Variants in DOP1B observed in about 807,000 individuals in gnomAD.
The protein encoded by DOP1B is DOP1 leucine zipper like protein B, also known as protein DOP1B.
A neutral mutation model predicts 233.5 loss-of-function variants in DOP1B; 174 were observed. The ratio of observed to expected loss-of-function variants is 0.75; its 90% CI spans 0.66 to 0.85. The LOEUF (loss-of-function observed/expected upper bound fraction) is 0.85, where lower values mean the gene tolerates loss of function less well. Ranked by LOEUF, DOP1B falls within the 40% of genes least tolerant of loss-of-function variation. The probability of loss-of-function intolerance (pLI) is 0.00; values close to 1 mark genes in which losing one functional copy is unlikely to be tolerated. For missense variants in DOP1B, 2,652 were observed against 2,846.6 expected (o/e 0.93, Z 1.56); for synonymous variants, 1,190 against 1,185.6 (o/e 1.00, Z -0.08).
At chr21:36,219,148 T>A (rs2066595700) in intron 9 of DOP1B, among the ~76,000 whole-genome samples, 1 of 152,192 alleles carries the variant, frequency 6.6e-6, no homozygotes, top group Non-Finnish European at 1.5e-5. Flanking sequence ...TAGAAGGGTG[T>A]CTGGCACACA....
rs142818593 is a variant in DOP1B, at chr21:36,248,442, G to A, written c.4872G>A (p.Leu1624=). The A allele has an allele frequency of 1.3e-4, 204 of 1,614,052 alleles. No individual in the cohort carries two copies. In the African/African-American group the frequency reaches 2.4e-3, roughly 19 times the overall value. The change falls in exon 21 of 37, where the codon CTG becomes CTA. Residue 1624 remains leucine (L), a synonymous_variant. Coordinates refer to ENST00000691173, the MANE Select transcript of DOP1B (RefSeq NM_001320714.2). ...CCAGAAATGCCATTTTGGAAGAGCT[G>A]CCTCGAACTGTTAACACCATGGCCC... The part of the protein sequence containing the change: ...RNARNAILEE[L]PRTVNTMALL...
At chr21:36,195,971 C>G (rs2066286282) in intron 2 of DOP1B, among the ~76,000 whole-genome samples, 2 of 152,200 alleles carry the variant, frequency 1.3e-5, no homozygotes, top group South Asian at 4.1e-4. Flanking sequence ...AGATCTGTGC[C>G]AGAAGTGACT....
intron 13 of DOP1B, among the ~76,000 whole-genome samples, chr21:36,229,371 T>C (rs1169719415): frequency 6.6e-6 from 1 of 152,164 alleles, no homozygotes; most frequent in African/African-American, 2.4e-5. Flanking sequence ...TTGCTGGCAA[T>C]ATTCAGCATT....
chr21:36,161,402 G>A (rs1051551411), intron 1 of DOP1B, among the ~76,000 whole-genome samples: 6 of 152,174 alleles, frequency 3.9e-5, no homozygotes, highest in African/African-American at 1.4e-4. Flanking sequence ...CTCCCAAAGC[G>A]CTGGGATTAT....
intron 15 of DOP1B, among the ~76,000 whole-genome samples, chr21:36,233,967 C>A (rs1192326240): frequency 6.6e-6 from 1 of 152,176 alleles, no homozygotes; most frequent in African/African-American, 2.4e-5. Flanking sequence ...AATTCTCCTG[C>A]CTCAGCCTCC....
At chr21:36,210,271 C>G (rs1270038432) in intron 5 of DOP1B, among the ~76,000 whole-genome samples, 1 of 151,784 alleles carries the variant, frequency 6.6e-6, no homozygotes, top group Non-Finnish European at 1.5e-5. Flanking sequence ...ACTTTGGGAG[C>G]CCTGAGGCAG....
intron 3 of DOP1B, 31 bp downstream of exon 3, chr21:36,199,282 T>TA: frequency 6.3e-7 from 1 of 1,588,302 alleles, no homozygotes; most frequent in Non-Finnish European, 8.6e-7. Flanking sequence ...TGTTCCTTTT[T>TA]ATTACCCAAG....
chr21:36,289,463 G>C (rs1383390439), intron 35 of DOP1B, among the ~76,000 whole-genome samples: 1 of 103,336 alleles, frequency 9.7e-6, no homozygotes, highest in Admixed American at 9.5e-5. Flanking sequence ...GTGTGTGTGT[G>C]TGTGTGTGTG....
intron 2 of DOP1B, among the ~76,000 whole-genome samples, chr21:36,193,168 C>T (rs77015449): frequency 0.021 from 3,187 of 152,264 alleles, 45 homozygotes; most frequent in Non-Finnish European, 0.033. Context: ...TTGCGAGGTT[C>T]ATGGCTGAGA....
intron 22 of DOP1B, 105 bp downstream of exon 22, chr21:36,251,389 A>G: frequency 7.1e-7 from 1 of 1,403,388 alleles, no homozygotes; most frequent in Non-Finnish European, 9.5e-7. Flanking sequence ...ATGGGAAACT[A>G]TTGAGTTGAT....
In DOP1B at chr21:36,235,870, G is replaced by C. The variant is rs143704099; in HGVS notation, c.2623-1392G>C. Among the ~76,000 whole-genome samples, 172 of 147,412 alleles carry C rather than the reference G, an allele frequency of 1.2e-3. 2 individuals are homozygous for C. Among genetic ancestry groups the C allele is most frequent in the African/African-American group, 3.7e-3 (149 of 40,728 alleles). On this transcript the variant is annotated intron_variant, in intron 15 of 36. Transcript: ENST00000691173. ...TAGTGACAGCAAGGAAGTCGGGGGG[G>C]GGGCGGTCTACGTAGTCAAAAAGTT...
intron 27 of DOP1B, among the ~76,000 whole-genome samples, chr21:36,276,612 A>G (rs1381541366): frequency 4.6e-5 from 7 of 152,228 alleles, no homozygotes; most frequent in African/African-American, 1.4e-4. Context: ...AGACCAAGGC[A>G]GGAGGATCGC....
Position 36,208,905 on chromosome 21 carries a change from G to A in DOP1B, c.681+1G>A. ...GCTGGGGACCAATCACCAACTCACG[G>A]TGGGTGCTGTGTTCCTCACAGGGCA... is the stretch of plus-strand genomic sequence containing the variant. On this transcript the variant is annotated splice_donor_variant, in intron 5 of 36. Coordinates refer to ENST00000691173, the MANE Select transcript of DOP1B (RefSeq NM_001320714.2). LOFTEE classifies it high-confidence loss of function. 1 of 1,529,992 alleles carries A rather than the reference G, an allele frequency of 6.5e-7. No homozygotes were observed. Among genetic ancestry groups the A allele is most frequent in the Non-Finnish European group, 8.8e-7 (1 of 1,138,586 alleles). The allele number at this position is 1,529,992 out of a possible 1,614,324, so 94.8% of individuals were successfully genotyped here.
At position 36,193,742 on chromosome 21, in the gene DOP1B, G is replaced by A. The variant is rs150699021; in HGVS notation, c.139-5328G>A. Among the ~76,000 whole-genome samples, 1,241 of 152,204 alleles carry A rather than the reference G, an allele frequency of 8.2e-3. 71 individuals carry two copies. Among genetic ancestry groups the A allele is most frequent in the Admixed American group, 0.075 (1,149 of 15,280 alleles). ...GAAAAGTCTCGTAAGGTGGAATTGC[G>A]GGGAGCCCGAGTGGGAACCTCCATG... On this transcript the variant is annotated intron_variant, in intron 2 of 36. Coordinates refer to ENST00000691173, the MANE Select transcript of DOP1B (RefSeq NM_001320714.2).
intron 2 of DOP1B, among the ~76,000 whole-genome samples, chr21:36,178,575 C>T (rs561690406): frequency 1.8e-4 from 28 of 152,316 alleles, no homozygotes; most frequent in Non-Finnish European, 3.5e-4. Context: ...TCCCAACCTA[C>T]AGAACTGGGA....
rs779008854 is a variant in DOP1B at position 36,212,071 on chromosome 21, A to G, written c.878A>G (p.Asn293Ser). ...CTACTGAGAAGGGACATGTCCCTGA[A>G]CAGAAGACTGTATGCATGGTTACTA... ...QTLLRRDMSL[N>S]RRLYAWLLGS... is the part of the protein sequence containing the mutation. Residue 293 changes from asparagine (N) to serine (S), a missense_variant, in exon 7 of 37, where the codon AAC (asparagine) becomes AGC (serine). Coordinates refer to ENST00000691173, the MANE Select transcript of DOP1B (RefSeq NM_001320714.2). The G allele has an allele frequency of 1.3e-5, 21 of 1,612,862 alleles. No homozygotes were observed. The highest frequency in any genetic ancestry group is 1.6e-5 in the Non-Finnish European group (19 of 1,179,708).
intron 26 of DOP1B, among the ~76,000 whole-genome samples, chr21:36,264,116 A>G (rs1033077760): frequency 3.3e-5 from 5 of 152,212 alleles, no homozygotes; most frequent in Non-Finnish European, 5.9e-5. Flanking sequence ...TAAAACATAA[A>G]TGGAATAAGA....
chr21:36,171,038 G>A (rs941970755), intron 2 of DOP1B, among the ~76,000 whole-genome samples: 4 of 152,116 alleles, frequency 2.6e-5, no homozygotes, highest in African/African-American at 9.7e-5. Context: ...GTGCTAAGGA[G>A]TTGACGTGCA....
intron 30 of DOP1B, 55 bp downstream of exon 30, chr21:36,278,410 A>G: frequency 6.5e-7 from 1 of 1,550,340 alleles, no homozygotes; most frequent in African/African-American, 1.4e-5. Flanking sequence ...TGGAAATGGC[A>G]TTTTGGTTTA....
Sources: allele counts gnomAD v4.1 joint callset (sites outside exome capture counted in the v4.1 genomes callset), GRCh38; gene constraint gnomAD v4.1.1; transcripts MANE v1.5; gene names NCBI Gene and HGNC (gene_info 2026-07-23, HGNC 2026-07-21).